The following AMD1 variants were observed in gnomAD, a reference collection of about 807,000 sequenced individuals.
AMD1 encodes the protein adenosylmethionine decarboxylase 1.
Under a neutral mutation model 40.2 loss-of-function variants are expected in AMD1, and 11 were observed. That is an observed-to-expected ratio of 0.27 (90% CI 0.17 to 0.45). The LOEUF (loss-of-function observed/expected upper bound fraction) is 0.45, where lower values mean the gene tolerates loss of function less well. Ranked by LOEUF, AMD1 falls within the 20% of genes least tolerant of loss-of-function variation. The pLI is 1.00. For missense variants in AMD1, 257 were observed against 410.2 expected (o/e 0.63, Z 3.23); for synonymous variants, 121 against 130.8 (o/e 0.93, Z 0.51).
At chr6:110,815,281 G>T in the AMD1 span, 1 of 952,192 alleles carries the variant, frequency 1.1e-6, no homozygotes, top group Non-Finnish European at 1.4e-6. Context: ...GCCGCTCCGC[G>T]GTCCGCCTTC....
At position 110,875,030 on chromosome 6, in the gene AMD1, C is replaced by T; in HGVS notation, c.-76C>T. ...ACACAGCTGGAACAATCCGCAGCGG[C>T]GGCGGCAGCGGCGGGAGAAGAGGTT... On this transcript the variant is annotated 5_prime_UTR_variant, in exon 1 of 9. Transcript: ENST00000368885. 5 of 1,147,804 alleles carry T rather than the reference C, an allele frequency of 4.4e-6. No individual in the cohort carries two copies. Among genetic ancestry groups the T allele is most frequent in the Non-Finnish European group, 6.4e-6 (5 of 784,812 alleles). The allele number at this position is 1,147,804 out of a possible 1,614,324, so 71.1% of individuals were successfully genotyped here.
chr6:110,892,877 T>C (rs367697788), intron 7 of AMD1, 33 bp from the exon 8 acceptor site: 30 of 1,613,336 alleles, frequency 1.9e-5, no homozygotes, highest in Non-Finnish European at 2.5e-5. Flanking sequence ...GAATAGTCTT[T>C]CCATTCTTAA....
At chr6:110,886,073 GGT>G (rs1270548345) in intron 1 of AMD1, among the ~76,000 whole-genome samples, 1 of 151,988 alleles carries the variant, frequency 6.6e-6, no homozygotes, top group Non-Finnish European at 1.5e-5. Context: ...TGGCCAACAT[GGT>G]GAAACCCTGT....
the AMD1 span, among the ~76,000 whole-genome samples, chr6:110,824,984 G>A: frequency 6.6e-6 from 1 of 152,094 alleles, no homozygotes; most frequent in African/African-American, 2.4e-5. Context: ...TTAACCTCAG[G>A]TCTGTAAGAC....
At chr6:110,828,691 A>G in the AMD1 span, among the ~76,000 whole-genome samples, 3 of 152,204 alleles carry the variant, frequency 2.0e-5, no homozygotes, top group African/African-American at 4.8e-5. Flanking sequence ...GCAATGTGGA[A>G]GTCAAATTTG....
At chr6:110,847,774 C>A in the AMD1 span, among the ~76,000 whole-genome samples, 1 of 150,946 alleles carries the variant, frequency 6.6e-6, no homozygotes, top group East Asian at 2.0e-4. Flanking sequence ...TGCAGTGGCA[C>A]AATCTTGGCT....
At chr6:110,890,189 G>A (rs943209778) in intron 3 of AMD1, 65 bp from the exon 4 acceptor site, 7 of 1,251,582 alleles carry the variant, frequency 5.6e-6, no homozygotes, top group East Asian at 4.9e-5. Flanking sequence ...GATTAGCTTC[G>A]AAAAGTGATA....
chr6:110,848,974 C>G, the AMD1 span, among the ~76,000 whole-genome samples: 1 of 152,168 alleles, frequency 6.6e-6, no homozygotes, highest in Non-Finnish European at 1.5e-5. Context: ...CCACTGTACT[C>G]CAGCCTGCGT....
the AMD1 span, among the ~76,000 whole-genome samples, chr6:110,846,163 T>C: frequency 6.6e-6 from 1 of 151,948 alleles, no homozygotes; most frequent in Non-Finnish European, 1.5e-5. Flanking sequence ...CACTTGAACC[T>C]AGGAGGCAGA....
At chr6:110,822,519 T>C in the AMD1 span, among the ~76,000 whole-genome samples, 11 of 152,020 alleles carry the variant, frequency 7.2e-5, no homozygotes, top group African/African-American at 1.7e-4. Context: ...TTCCAAAAGA[T>C]TGTGAAAGAA....
At chr6:110,828,457 GAAAAGAAAAAGA>G in the AMD1 span, among the ~76,000 whole-genome samples, 2 of 151,614 alleles carry the variant, frequency 1.3e-5, no homozygotes, top group Non-Finnish European at 2.9e-5. Flanking sequence ...AGAAAGAAAA[GAAAAGAAAAAGA>G]AAAAGAAACC....
chr6:110,868,017 G>A, the AMD1 span, among the ~76,000 whole-genome samples: 1 of 152,026 alleles, frequency 6.6e-6, no homozygotes, highest in Non-Finnish European at 1.5e-5. Flanking sequence ...GTAGAGATGG[G>A]TCTGGCTACG....
At chr6:110,868,065 C>G in the AMD1 span, among the ~76,000 whole-genome samples, 1 of 152,058 alleles carries the variant, frequency 6.6e-6, no homozygotes, top group Admixed American at 6.5e-5. Context: ...CCTCAAGTCA[C>G]CCTCCTGCCT....
the AMD1 span, among the ~76,000 whole-genome samples, chr6:110,844,345 A>T: frequency 1.3e-5 from 2 of 151,324 alleles, no homozygotes; most frequent in East Asian, 4.0e-4. Flanking sequence ...TTTAGTAGAG[A>T]CGGGGTTTTG....
the AMD1 span, among the ~76,000 whole-genome samples, chr6:110,856,906 G>A: frequency 5.3e-5 from 8 of 152,210 alleles, no homozygotes; most frequent in Non-Finnish European, 1.2e-4. Context: ...GCTCACGTCT[G>A]TAATCCTAGC....
At chr6:110,863,382 T>A in the AMD1 span, among the ~76,000 whole-genome samples, 1 of 150,954 alleles carries the variant, frequency 6.6e-6, no homozygotes, top group African/African-American at 2.4e-5. Flanking sequence ...TTTTTTTTTT[T>A]TTTTTTAGAC....
the AMD1 span, among the ~76,000 whole-genome samples, chr6:110,820,984 T>C: frequency 5.3e-5 from 8 of 152,198 alleles, no homozygotes; most frequent in Non-Finnish European, 8.8e-5. Flanking sequence ...TGGGACAAAG[T>C]TCATCTGGTC....
intron 1 of AMD1, among the ~76,000 whole-genome samples, chr6:110,886,681 G>C (rs1305329909): frequency 6.6e-6 from 1 of 152,212 alleles, no homozygotes; most frequent in African/African-American, 2.4e-5. Flanking sequence ...ACTAAGGCAA[G>C]AGAATTGCTT....
At chr6:110,831,438 C>CA in the AMD1 span, among the ~76,000 whole-genome samples, 4,561 of 111,654 alleles carry the variant, frequency 0.041, 187 homozygotes, top group African/African-American at 0.11. Context: ...GACTCCGTCT[C>CA]AAAAAAAAAA....
Sources: gnomAD v4.1 joint callset for allele counts (sites outside exome capture counted in the v4.1 genomes callset) on GRCh38, gnomAD v4.1.1 for gene constraint, MANE v1.5 for transcripts, NCBI Gene and HGNC (gene_info 2026-07-23, HGNC 2026-07-21) for gene names.